The following SLCO3A1 variants were observed in gnomAD, a reference collection of about 807,000 sequenced individuals.
SLCO3A1 encodes the protein solute carrier organic anion transporter family member 3A1, also known as PGE1 transporter.
A neutral mutation model predicts 63.1 loss-of-function variants in SLCO3A1; 27 were observed. The ratio of observed to expected loss-of-function variants is 0.43; its 90% CI spans 0.32 to 0.59. The LOEUF is 0.59. SLCO3A1 is among the 20% of genes least tolerant of loss of function. The pLI, the probability that SLCO3A1 is intolerant of heterozygous loss-of-function variation, is 0.09. For synonymous variants in SLCO3A1, 473 were observed against 409.9 expected, an observed-to-expected ratio of 1.15 and a Z score of -1.86; for missense variants, 773 against 945.8, an observed-to-expected ratio of 0.82 and a Z score of 2.40.
chr15:91,911,266 C>T (rs1898476536), intron 1 of SLCO3A1, among the ~76,000 whole-genome samples: 1 of 152,192 alleles, frequency 6.6e-6, no homozygotes, highest in Non-Finnish European at 1.5e-5. Flanking sequence ...TTGTAGATAA[C>T]TTAAACTCTT....
rs540686384 is a variant in SLCO3A1, at chr15:92,056,738, T to C, written c.647-38143T>C. ...TTCCGCTGAGAAAAGGCACCTCTTA[T>C]CACTGTCCCCTGCCTAAGAAAGCCT... On this transcript the variant is annotated intron_variant, in intron 2 of 9. Transcript: ENST00000318445. Among the ~76,000 whole-genome samples the C allele has an allele frequency of 1.6e-3, 238 of 152,298 alleles. 1 individual carries two copies. The highest frequency in any genetic ancestry group is 2.8e-3 in the Non-Finnish European group (190 of 68,024).
In SLCO3A1 at chr15:92,068,132, A is replaced by C. The variant is rs142819538; in HGVS notation, c.647-26749A>C. 2.2e-4 allele frequency among the ~76,000 whole-genome samples: 33 copies of C among 152,358 alleles called. No homozygotes were observed. In the South Asian group the frequency reaches 6.4e-3, roughly 30 times the overall value. ...GTTCAGACCATAGCAGTACTTGGCCAGGCTACCTCCTAATAATACTGCCAA... is the reference window on the plus strand; with the variant it reads ...GTTCAGACCATAGCAGTACTTGGCCCGGCTACCTCCTAATAATACTGCCAA... On this transcript the variant is annotated intron_variant, in intron 2 of 9. Transcript: ENST00000318445.
chr15:92,152,975 A>G (rs2048326694), intron 9 of SLCO3A1, among the ~76,000 whole-genome samples: 1 of 152,210 alleles, frequency 6.6e-6, no homozygotes, highest in African/African-American at 2.4e-5. Flanking sequence ...ATGAAAAACA[A>G]TTTGCAAGGT....
chr15:92,085,660 C>T (rs1470684599), intron 2 of SLCO3A1, among the ~76,000 whole-genome samples: 1 of 152,204 alleles, frequency 6.6e-6, no homozygotes, highest in African/African-American at 2.4e-5. Flanking sequence ...GTTTTCTTGC[C>T]TGAAACGTAG....
chr15:92,150,677 T>C (rs1262003415), intron 8 of SLCO3A1, among the ~76,000 whole-genome samples: 4 of 152,114 alleles, frequency 2.6e-5, no homozygotes, highest in Non-Finnish European at 4.4e-5. Flanking sequence ...TATGACCAAA[T>C]TTGCATTCTG....
chr15:91,868,088 G>A lies in SLCO3A1; in HGVS notation c.180+14000G>A, dbSNP rs142285767. 1.1e-4 allele frequency among the ~76,000 whole-genome samples: 17 copies of A among 152,098 alleles called. No individual in the cohort carries two copies. In the East Asian group the frequency reaches 3.3e-3, roughly 29 times the overall value. ...TTTTGAGGGGATGGAGTCTCGCTCT[G>A]TCGCCCAGGCTGGAGTGCATTGGTG... On this transcript the variant is annotated intron_variant, in intron 1 of 9. Transcript: ENST00000318445.
chr15:91,877,420 C>T (rs981622199), intron 1 of SLCO3A1, among the ~76,000 whole-genome samples: 1 of 152,214 alleles, frequency 6.6e-6, no homozygotes, highest in African/African-American at 2.4e-5. Context: ...CTTCTAGATA[C>T]TGGGGACCCA....
chr15:91,978,399 C>A (rs1901200941), intron 2 of SLCO3A1, among the ~76,000 whole-genome samples: 1 of 152,206 alleles, frequency 6.6e-6, no homozygotes, highest in African/African-American at 2.4e-5. Context: ...AAAAAGCTTT[C>A]TGTGAACATG....
downstream of SLCO3A1, chr15:92,165,918 CTCTT>C (rs1290097475): frequency 1.0e-6 from 1 of 984,664 alleles, no homozygotes; most frequent in Non-Finnish European, 1.2e-6. Context: ...AGAGTTCTCT[CTCTT>C]CTGCTACAAA....
At chr15:92,125,441 G>A (rs1173353831) in intron 5 of SLCO3A1, among the ~76,000 whole-genome samples, 8 of 151,980 alleles carry the variant, frequency 5.3e-5, no homozygotes, top group Admixed American at 5.2e-4. Context: ...GAGAGAGAAA[G>A]GAAAAAATAT....
chr15:92,111,696 CA>C (rs1271513247), intron 4 of SLCO3A1, among the ~76,000 whole-genome samples: 2 of 152,194 alleles, frequency 1.3e-5, no homozygotes, highest in Non-Finnish European at 2.9e-5. Context: ...GTTATTTCAG[CA>C]AAGCTCCTGA....
intron 2 of SLCO3A1, among the ~76,000 whole-genome samples, chr15:92,062,481 T>G (rs2047098564): frequency 6.6e-6 from 1 of 152,146 alleles, no homozygotes; most frequent in Non-Finnish European, 1.5e-5. Context: ...ATCAAGCCAC[T>G]AATGAGTTTT....
At chr15:92,047,601 ATATATATATAATATATAAATAT>A (rs2046903162) in intron 2 of SLCO3A1, among the ~76,000 whole-genome samples, 1 of 41,926 alleles carries the variant, frequency 2.4e-5, no homozygotes, top group Non-Finnish European at 5.0e-5. Flanking sequence ...ATAATATATA[ATATATATATAATATATAAATAT>A]ATATATAAAT....
chr15:91,888,850 A>C (rs1897793586), intron 1 of SLCO3A1, among the ~76,000 whole-genome samples: 1 of 152,004 alleles, frequency 6.6e-6, no homozygotes, highest in African/African-American at 2.4e-5. Context: ...AACAAAAAAA[A>C]CAACACCAAT....
chr15:92,171,931 T>A lies in SLCO3A1; in HGVS notation c.*69T>A, dbSNP rs1596166028. The A allele has an allele frequency of 4.2e-6, 5 of 1,194,454 alleles. No homozygotes were observed. The Admixed American group carries it at 7.9e-5, about 19-fold the overall frequency. 74.0% of individuals were successfully genotyped at this position (1,194,454 alleles called of 1,614,324 possible). On this transcript the variant is annotated 3_prime_UTR_variant, in exon 11 of 11. Coordinates refer to the SLCO3A1 transcript ENST00000424469. ...CACCCACAGACCTCGCGGGCCTCACTTAGCGCGCTCCTCCCTGTCCGAGAA... is the reference window on the plus strand; with the variant it reads ...CACCCACAGACCTCGCGGGCCTCACATAGCGCGCTCCTCCCTGTCCGAGAA...
At chr15:92,037,730 A>G (rs1291814503) in intron 2 of SLCO3A1, among the ~76,000 whole-genome samples, 1 of 152,248 alleles carries the variant, frequency 6.6e-6, no homozygotes, top group Non-Finnish European at 1.5e-5. Flanking sequence ...ACTTGATGTT[A>G]TCTACAGATT....
intron 7 of SLCO3A1, among the ~76,000 whole-genome samples, chr15:92,145,970 G>A (rs915933735): frequency 3.9e-5 from 6 of 151,960 alleles, no homozygotes; most frequent in African/African-American, 1.5e-4. Context: ...CCCTATCTCT[G>A]TGTTCTGTGG....
Position 92,033,341 on chromosome 15 carries a change from C to A in SLCO3A1, c.647-61540C>A, listed in dbSNP as rs2046679281. Among the ~76,000 whole-genome samples the A allele has an allele frequency of 6.6e-6, 1 of 152,200 alleles. No individual in the cohort carries two copies. The highest frequency in any genetic ancestry group is 2.4e-5 in the African/African-American group (1 of 41,450). ...CTGCCCTTTGGAGAGACTTCTGCAACCCTCCTCTCCTCCAAGAGCAGGGTA... is the reference window on the plus strand; with the variant it reads ...CTGCCCTTTGGAGAGACTTCTGCAAACCTCCTCTCCTCCAAGAGCAGGGTA... On this transcript the variant is annotated intron_variant, in intron 2 of 9. Coordinates refer to ENST00000318445, the MANE Select transcript of SLCO3A1 (RefSeq NM_013272.4). This position sits in a 1 kb window ranked among gnomAD's most constrained non-coding sequence, Gnocchi z 4.5.
intron 2 of SLCO3A1, among the ~76,000 whole-genome samples, chr15:92,015,616 T>C (rs942046150): frequency 6.6e-6 from 1 of 151,936 alleles, no homozygotes; most frequent in Non-Finnish European, 1.5e-5. Context: ...CAGCTTTCAC[T>C]CCCAAGGGAG....
Sources: allele counts gnomAD v4.1 joint callset (sites outside exome capture counted in the v4.1 genomes callset), GRCh38; gene constraint gnomAD v4.1.1; non-coding constraint Gnocchi (gnomAD v3.1); transcripts MANE v1.5; gene names NCBI Gene and HGNC (gene_info 2026-07-23, HGNC 2026-07-21).